Variants in ERG observed in about 807,000 individuals in gnomAD.
ERG encodes the protein ETS transcription factor ERG, also known as transcriptional regulator ERG.
A neutral mutation model predicts 55.3 loss-of-function variants in ERG; 9 were observed. That is an observed-to-expected ratio of 0.16 (90% CI 0.10 to 0.28). The LOEUF (loss-of-function observed/expected upper bound fraction) is 0.28, where lower values mean the gene tolerates loss of function less well. ERG is among the 10% of genes least tolerant of loss of function. The pLI is 1.00. For missense variants in ERG, 434 were observed against 631.6 expected (o/e 0.69, Z 3.35); for synonymous variants, 223 against 237.3 (o/e 0.94, Z 0.55).
rs368687691 is a variant in ERG at position 38,395,478 on chromosome 21, T to C, written c.746-3034A>G. 87 of 212,054 alleles carry C rather than the reference T, an allele frequency of 4.1e-4. 1 individual carries two copies. In the South Asian group the frequency reaches 0.015, roughly 37 times the overall value. The allele number at this position is 212,054 out of a possible 1,614,324, so 13.1% of individuals were successfully genotyped here. On this transcript the variant is annotated intron_variant, in intron 6 of 9. Transcript: ENST00000288319. ...TTTCAACACCCTCTCCATTTCTCTT[T>C]GACTTTGATCTTCAAGGCAATGAAC...
intron 3 of ERG, 34 bp downstream of exon 3, chr21:38,423,376 T>C: frequency 1.3e-6 from 2 of 1,589,362 alleles, no homozygotes; most frequent in African/African-American, 2.7e-5. Context: ...GAAGTTGCGA[T>C]CTGCCGAGGG....
intron 2 of ERG, among the ~76,000 whole-genome samples, chr21:38,528,684 A>AAG: frequency 7.4e-6 from 1 of 135,102 alleles, no homozygotes; most frequent in Non-Finnish European, 1.6e-5. Flanking sequence ...TCCTGACCTC[A>AAG]TGATCCACCC....
chr21:38,421,789 A>G (rs1326076800), intron 3 of ERG, among the ~76,000 whole-genome samples: 2 of 152,216 alleles, frequency 1.3e-5, no homozygotes, highest in East Asian at 3.9e-4. Flanking sequence ...GGCCCTGGAG[A>G]TAGGGCCTTT....
At chr21:38,479,071 C>G (rs993672222) in intron 1 of ERG, among the ~76,000 whole-genome samples, 3 of 152,174 alleles carry the variant, frequency 2.0e-5, no homozygotes, top group Non-Finnish European at 4.4e-5. Context: ...GAAATGGTTG[C>G]AGAGTAAACA....
At chr21:38,493,523 T>C (rs745687919) in intron 1 of ERG, among the ~76,000 whole-genome samples, 2 of 152,222 alleles carry the variant, frequency 1.3e-5, no homozygotes, top group African/African-American at 2.4e-5. Context: ...ACCATAAGAA[T>C]TTTTTATGTT....
intron 1 of ERG, among the ~76,000 whole-genome samples, chr21:38,583,885 C>A (rs780353383): frequency 6.6e-6 from 1 of 152,192 alleles, no homozygotes; most frequent in African/African-American, 2.4e-5. Context: ...ATCCAGCCTC[C>A]GGAACGGTGA....
At chr21:38,373,211 C>T in the ERG span, among the ~76,000 whole-genome samples, 2 of 152,192 alleles carry the variant, frequency 1.3e-5, no homozygotes, top group South Asian at 4.1e-4. Flanking sequence ...GGTCTAGGTC[C>T]CCATTGCTTG....
downstream of ERG, among the ~76,000 whole-genome samples, chr21:38,378,094 C>T (rs111768015): frequency 0.016 from 2,440 of 152,270 alleles, 72 homozygotes; most frequent in African/African-American, 0.054. Flanking sequence ...ATTCCACTGT[C>T]TCTGTAATGT....
intron 1 of ERG, among the ~76,000 whole-genome samples, chr21:38,632,014 A>G (rs2060359847): frequency 6.6e-6 from 1 of 151,976 alleles, no homozygotes; most frequent in South Asian, 2.1e-4. Context: ...TTTATTACCC[A>G]TCTTGAAGGA....
chr21:38,456,108 A>G lies in ERG; in HGVS notation c.19-10487T>C, dbSNP rs559804888. Among the ~76,000 whole-genome samples, 7 of 152,346 alleles carry G rather than the reference A, an allele frequency of 4.6e-5. No individual in the cohort carries two copies. In the East Asian group the frequency reaches 1.2e-3, roughly 25 times the overall value. ...AATGAGATCGATTTGTTTAACTAGT[A>G]ACATCCTCTTTCAGCCATAGCCAGG... On this transcript the variant is annotated intron_variant, in intron 1 of 9. Transcript: ENST00000288319.
upstream of ERG, among the ~76,000 whole-genome samples, chr21:38,587,487 T>C (rs2060073466): frequency 6.6e-6 from 1 of 151,874 alleles, no homozygotes; most frequent in Admixed American, 6.6e-5. Flanking sequence ...GCCTCCCGAG[T>C]AGCTGGGATT....
At chr21:38,476,842 G>A (rs1403358286) in intron 1 of ERG, among the ~76,000 whole-genome samples, 2 of 152,066 alleles carry the variant, frequency 1.3e-5, no homozygotes, top group African/African-American at 2.4e-5. Context: ...TTTTGGCCTT[G>A]GTGTGAGTGG....
chr21:38,624,757 A>T (rs2060314528), intron 1 of ERG, among the ~76,000 whole-genome samples: 1 of 152,222 alleles, frequency 6.6e-6, no homozygotes. Context: ...CAAATGTGGT[A>T]GGGAATAGAT....
intron 1 of ERG, among the ~76,000 whole-genome samples, chr21:38,467,960 T>C (rs200010070): frequency 6.6e-6 from 1 of 152,366 alleles, no homozygotes; most frequent in East Asian, 1.9e-4. Context: ...TTACCCATTC[T>C]GGGAGATATG....
chr21:38,504,766 G>A (rs1395896027), intron 2 of ERG, among the ~76,000 whole-genome samples: 2 of 152,154 alleles, frequency 1.3e-5, no homozygotes, highest in Non-Finnish European at 2.9e-5. Context: ...ACCATCCTTG[G>A]CCAAATTGAG....
intron 2 of ERG, among the ~76,000 whole-genome samples, chr21:38,542,465 A>G (rs551680693): frequency 1.4e-3 from 210 of 152,346 alleles, no homozygotes; most frequent in African/African-American, 4.7e-3. Flanking sequence ...TTACAGGACA[A>G]ATGACATCAT....
chr21:38,543,078 C>T (rs1030226762), intron 2 of ERG, among the ~76,000 whole-genome samples: 4 of 152,192 alleles, frequency 2.6e-5, no homozygotes, highest in African/African-American at 9.6e-5. Flanking sequence ...ATGCAGCCAA[C>T]ACTACCCTTT....
Position 38,380,291 on chromosome 21 carries a change from G to A in ERG, c.*3112C>T. On this transcript the variant is annotated 3_prime_UTR_variant, in exon 10 of 10. Transcript: ENST00000288319. ...CAGCTCCTCCGGCTCCTGCTCCTGG[G>A]TTGCAGGTGCCACATCTGTGCAGAA... 1 of 1,056,264 alleles carries A rather than the reference G, an allele frequency of 9.5e-7. No homozygotes were observed. Among genetic ancestry groups the A allele is most frequent in the Non-Finnish European group, 1.1e-6 (1 of 873,612 alleles). The allele number at this position is 1,056,264 out of a possible 1,614,324, so 65.4% of individuals were successfully genotyped here. A position where few individuals can be genotyped will look rare whatever the true frequency, so the allele number is the denominator to read the frequency against.
At chr21:38,372,952 G>C in the ERG span, among the ~76,000 whole-genome samples, 2 of 152,020 alleles carry the variant, frequency 1.3e-5, no homozygotes, top group Non-Finnish European at 2.9e-5. Context: ...CCAAGAATTG[G>C]TGAGAATTTT....
Sources: gnomAD v4.1 joint callset for allele counts (sites outside exome capture counted in the v4.1 genomes callset) on GRCh38, gnomAD v4.1.1 for gene constraint, MANE v1.5 for transcripts, NCBI Gene and HGNC (gene_info 2026-07-23, HGNC 2026-07-21) for gene names.